The following SSBP2 variants were observed in gnomAD, a reference collection of about 807,000 sequenced individuals.
SSBP2 encodes the protein single-stranded DNA-binding protein 2.
SSBP2 carries 17 observed loss-of-function variants against 61.8 expected under a neutral mutation model. The ratio of observed to expected loss-of-function variants is 0.28; its 90% confidence interval spans 0.19 to 0.41. The LOEUF (loss-of-function observed/expected upper bound fraction) is 0.41, where lower values mean the gene tolerates loss of function less well. SSBP2 is among the 10% of genes least tolerant of loss of function. The probability of loss-of-function intolerance (pLI) is 1.00; values close to 1 mark genes in which losing one functional copy is unlikely to be tolerated. For synonymous variants in SSBP2, 139 were observed against 141.3 expected (o/e 0.98, Z 0.12); for missense variants, 310 against 458.7 (o/e 0.68, Z 2.96).
At chr5:81,553,870 CT>C (rs1371647855) in intron 4 of SSBP2, among the ~76,000 whole-genome samples, 1 of 151,626 alleles carries the variant, frequency 6.6e-6, no homozygotes, top group Non-Finnish European at 1.5e-5. Flanking sequence ...TTATCCTTTC[CT>C]GCTTTCTTTC....
chr5:81,681,441 A>C (rs1331022735), intron 1 of SSBP2, among the ~76,000 whole-genome samples: 1 of 149,670 alleles, frequency 6.7e-6, no homozygotes, highest in Non-Finnish European at 1.5e-5. Context: ...AATCGCTTGA[A>C]CCCAACAGGC....
chr5:81,462,268 C>T (rs1764595191), intron 9 of SSBP2, among the ~76,000 whole-genome samples: 1 of 152,174 alleles, frequency 6.6e-6, no homozygotes, highest in Non-Finnish European at 1.5e-5. Context: ...CCACATTTGG[C>T]CCACAGGCCA....
At chr5:81,684,510 A>C (rs932533131) in intron 1 of SSBP2, among the ~76,000 whole-genome samples, 3 of 152,162 alleles carry the variant, frequency 2.0e-5, no homozygotes, top group Non-Finnish European at 2.9e-5. Flanking sequence ...TATGTGCCCA[A>C]GGCCTTGGGA....
intron 9 of SSBP2, among the ~76,000 whole-genome samples, chr5:81,462,742 T>G (rs1391014513): frequency 6.6e-6 from 1 of 152,122 alleles, no homozygotes; most frequent in Non-Finnish European, 1.5e-5. Context: ...GTAAGGTACA[T>G]CCACATGATT....
chr5:81,584,842 G>A (rs867912127), intron 4 of SSBP2, among the ~76,000 whole-genome samples: 148 of 152,212 alleles, frequency 9.7e-4, no homozygotes, highest in African/African-American at 3.2e-3. Context: ...TCACTAGGAT[G>A]AGACAGTTGT....
Position 81,646,611 on chromosome 5 carries a change from C to CT in SSBP2, c.135+3655dup, listed in dbSNP as rs56787398. On this transcript the variant is annotated intron_variant, in intron 2 of 16. Transcript: ENST00000320672. ...ACATTCTCTAAAATATTACATTCTC[C>CT]TTTTTTTTTTTTTTTTTACCATCCA... 6.8e-3 allele frequency among the ~76,000 whole-genome samples: 898 copies of CT among 131,930 alleles called. 7 individuals carry two copies. Among genetic ancestry groups the CT allele is most frequent in the East Asian group, 0.013 (59 of 4,672 alleles). The allele number at this position is 131,930 out of a possible 152,430, so 86.6% of individuals were successfully genotyped here.
At chr5:81,500,309 G>T (rs909673840) in intron 5 of SSBP2, among the ~76,000 whole-genome samples, 4 of 152,086 alleles carry the variant, frequency 2.6e-5, no homozygotes, top group African/African-American at 9.7e-5. Context: ...CGCCTCCCGG[G>T]TTCAAGCGAT....
At chr5:81,578,748 A>G (rs1774420633) in intron 4 of SSBP2, among the ~76,000 whole-genome samples, 1 of 152,026 alleles carries the variant, frequency 6.6e-6, no homozygotes, top group South Asian at 2.1e-4. Flanking sequence ...AAAATGAGAA[A>G]AAAAGCAATT....
At chr5:81,642,348 C>T (rs995118689) in intron 2 of SSBP2, among the ~76,000 whole-genome samples, 1 of 152,198 alleles carries the variant, frequency 6.6e-6, no homozygotes, top group African/African-American at 2.4e-5. Flanking sequence ...TTATCTACCT[C>T]ACTTCCTTCT....
chr5:81,613,834 T>C (rs750774990), intron 4 of SSBP2, among the ~76,000 whole-genome samples: 1 of 151,338 alleles, frequency 6.6e-6, no homozygotes, highest in Non-Finnish European at 1.5e-5. Flanking sequence ...CTCTGCTTTA[T>C]TTCTTCTGTC....
At chr5:81,473,801 A>T in intron 7 of SSBP2, 31 bp from the exon 8 acceptor site, 1 of 1,597,284 alleles carries the variant, frequency 6.3e-7, no homozygotes, top group Non-Finnish European at 8.6e-7. Context: ...TTAGCAAAGT[A>T]ATGAGCATGA....
chr5:81,623,084 T>G (rs1452984391), intron 3 of SSBP2, among the ~76,000 whole-genome samples: 1 of 152,170 alleles, frequency 6.6e-6, no homozygotes, highest in Non-Finnish European at 1.5e-5. Flanking sequence ...TTCACCTGGA[T>G]CAAGTGTGTT....
chr5:81,574,426 T>C (rs1581061171), intron 4 of SSBP2, among the ~76,000 whole-genome samples: 1 of 151,502 alleles, frequency 6.6e-6, no homozygotes. Flanking sequence ...AAATGATAGA[T>C]AGGACATGGT....
intron 4 of SSBP2, among the ~76,000 whole-genome samples, chr5:81,528,608 T>C (rs74545539): frequency 0.022 from 3,351 of 152,176 alleles, 125 homozygotes; most frequent in African/African-American, 0.074. Context: ...CAATCACATA[T>C]ATCCATTAAG....
At chr5:81,548,958 T>G (rs182292975) in intron 4 of SSBP2, among the ~76,000 whole-genome samples, 1 of 152,282 alleles carries the variant, frequency 6.6e-6, no homozygotes, top group Admixed American at 6.5e-5. Context: ...AGTTTTGTCT[T>G]TCATAAACTG....
At chr5:81,659,816 G>A (rs1750533816) in intron 1 of SSBP2, among the ~76,000 whole-genome samples, 1 of 152,054 alleles carries the variant, frequency 6.6e-6, no homozygotes, top group Non-Finnish European at 1.5e-5. Context: ...AAAACAGCAT[G>A]GTACTGGTAC....
chr5:81,466,137 A>G (rs1372797224), intron 9 of SSBP2, among the ~76,000 whole-genome samples: 5 of 152,028 alleles, frequency 3.3e-5, no homozygotes, highest in Admixed American at 6.5e-5. Flanking sequence ...CCACAAACCT[A>G]TATGGAACAC....
intron 4 of SSBP2, among the ~76,000 whole-genome samples, chr5:81,587,896 G>A (rs1345846209): frequency 6.6e-6 from 1 of 152,186 alleles, no homozygotes; most frequent in Non-Finnish European, 1.5e-5. Flanking sequence ...TGGAGACACT[G>A]AGCCCAATCA....
intron 4 of SSBP2, among the ~76,000 whole-genome samples, chr5:81,608,904 T>C (rs191868883): frequency 6.6e-6 from 1 of 152,128 alleles, no homozygotes; most frequent in South Asian, 2.1e-4. Context: ...TTTGGAAGTT[T>C]TGATAACTAG....
Sources: allele counts gnomAD v4.1 joint callset (sites outside exome capture counted in the v4.1 genomes callset), GRCh38; gene constraint gnomAD v4.1.1; transcripts MANE v1.5; gene names NCBI Gene and HGNC (gene_info 2026-07-23, HGNC 2026-07-21).